KSR1: variants seen among roughly 807,000 people sequenced by gnomAD.
The protein encoded by KSR1 is kinase suppressor of ras 1.
A neutral mutation model predicts 92.9 loss-of-function variants in KSR1; 35 were observed. The observed-to-expected ratio is 0.38, with a 90% confidence interval of 0.29 to 0.50. The LOEUF is 0.50. KSR1 is among the 20% of genes least tolerant of loss of function. The pLI, the probability that KSR1 is intolerant of heterozygous loss-of-function variation, is 0.94. For synonymous variants in KSR1, 467 were observed against 472.6 expected (o/e 0.99, Z 0.15); for missense variants, 972 against 1,158.5 (o/e 0.84, Z 2.34).
intron 1 of KSR1, among the ~76,000 whole-genome samples, chr17:27,464,256 G>T (rs964323444): frequency 6.6e-6 from 1 of 152,172 alleles, no homozygotes; most frequent in Non-Finnish European, 1.5e-5. Flanking sequence ...AGCGCCATCT[G>T]GGGTATGTCA....
chr17:27,566,213 A>T (rs2072058946), intron 2 of KSR1, among the ~76,000 whole-genome samples: 1 of 152,076 alleles, frequency 6.6e-6, no homozygotes, highest in South Asian at 2.1e-4. Context: ...CATCCTGGAC[A>T]TCCTGGGTGC....
chr17:27,590,917 T>TG (rs752579264), intron 7 of KSR1, 23 bp downstream of exon 7: 1 of 1,545,270 alleles, frequency 6.5e-7, no homozygotes. Flanking sequence ...GGAGTGGGGG[T>TG]GGGGGGAGCA....
At chr17:27,520,621 G>A (rs757106684) in intron 1 of KSR1, among the ~76,000 whole-genome samples, 27 of 152,336 alleles carry the variant, frequency 1.8e-4, no homozygotes, top group South Asian at 1.7e-3. Flanking sequence ...CGTGCAGAAC[G>A]GGCACAGTGG....
At chr17:27,566,615 C>T in intron 2 of KSR1, 1 of 399,002 alleles carries the variant, frequency 2.5e-6, no homozygotes. Context: ...TTCCACAGCT[C>T]CCTGGAGTTG....
chr17:27,494,271 A>G, intron 1 of KSR1, among the ~76,000 whole-genome samples: 1 of 151,916 alleles, frequency 6.6e-6, no homozygotes, highest in South Asian at 2.1e-4. Flanking sequence ...CTATATGTGG[A>G]GTATCTGGAA....
intron 1 of KSR1, among the ~76,000 whole-genome samples, chr17:27,481,377 T>C (rs1680937619): frequency 6.6e-6 from 1 of 152,164 alleles, no homozygotes; most frequent in African/African-American, 2.4e-5. Flanking sequence ...TCTTCTGAAG[T>C]CTCTTTCAAT....
At chr17:27,603,926 G>A (rs1431542734) in intron 12 of KSR1, 38 bp downstream of exon 12, 7 of 1,605,200 alleles carry the variant, frequency 4.4e-6, no homozygotes, top group Non-Finnish European at 5.1e-6. Flanking sequence ...CGCTTCTTTG[G>A]GGAATTATTA....
intron 2 of KSR1, among the ~76,000 whole-genome samples, chr17:27,557,348 G>A (rs1395112746): frequency 6.6e-6 from 1 of 152,208 alleles, no homozygotes; most frequent in Non-Finnish European, 1.5e-5. Context: ...GTCCTGGGGG[G>A]ATAGCGGAGG....
chr17:27,571,320 G>A (rs1226818097), intron 2 of KSR1, among the ~76,000 whole-genome samples: 2 of 152,194 alleles, frequency 1.3e-5, no homozygotes, highest in African/African-American at 4.8e-5. Flanking sequence ...ATATCTGACT[G>A]TTACTATCCA....
intron 17 of KSR1, 196 bp from the exon 18 acceptor site, chr17:27,611,295 CCAA>C: frequency 1.6e-6 from 1 of 609,630 alleles, no homozygotes; most frequent in East Asian, 2.9e-5. Context: ...GACTTCCCAC[CCAA>C]CGAGAGCACA....
At position 27,597,248 on chromosome 17, in the gene KSR1, C is replaced by T; in HGVS notation, c.1300-20C>T. The T allele has an allele frequency of 4.5e-6, 7 of 1,562,354 alleles. No homozygotes were observed. Among genetic ancestry groups the T allele is most frequent in the African/African-American group, 1.4e-5 (1 of 73,490 alleles). ...GGGGCCAGGACAGCCCTGCCATTCCCAACATCTCTGGTCCTGCAGGAGCAC... is the reference window on the plus strand; with the variant it reads ...GGGGCCAGGACAGCCCTGCCATTCCTAACATCTCTGGTCCTGCAGGAGCAC... On this transcript the variant is annotated intron_variant, in intron 9 of 20. Transcript: ENST00000644974.
chr17:27,479,241 C>T (rs1410264323), intron 1 of KSR1, among the ~76,000 whole-genome samples: 2 of 151,568 alleles, frequency 1.3e-5, no homozygotes, highest in African/African-American at 4.9e-5. Context: ...CTCTTCCCTC[C>T]GTCTGTGCTC....
At position 27,499,398 on chromosome 17, in the gene KSR1, C is replaced by G. The variant is rs542061162; in HGVS notation, c.231+42524C>G. ...AATTGAAGTAGCTAAGAAGGGAGAT[C>G]AAGGCACCGGACAACCAGAGGGGGC... On this transcript the variant is annotated intron_variant, in intron 1 of 20. Transcript: ENST00000644974. Among the ~76,000 whole-genome samples the G allele has an allele frequency of 1.4e-3, 218 of 152,298 alleles. 2 individuals carry two copies. The highest frequency in any genetic ancestry group is 4.7e-3 in the African/African-American group (195 of 41,558).
intron 1 of KSR1, among the ~76,000 whole-genome samples, chr17:27,470,665 C>A (rs1267740418): frequency 6.6e-6 from 1 of 152,128 alleles, no homozygotes; most frequent in Non-Finnish European, 1.5e-5. Context: ...CGTGAGCCAC[C>A]ACACCTAGCC....
chr17:27,484,458 C>T (rs1160922435), intron 1 of KSR1, among the ~76,000 whole-genome samples: 1 of 152,214 alleles, frequency 6.6e-6, no homozygotes, highest in East Asian at 1.9e-4. Context: ...TCTTGAACTC[C>T]TGGCCTCAAG....
intron 9 of KSR1, among the ~76,000 whole-genome samples, chr17:27,593,613 G>A (rs1016033297): frequency 1.3e-5 from 2 of 152,198 alleles, no homozygotes; most frequent in Admixed American, 1.3e-4. Flanking sequence ...CAAGAAGGCC[G>A]GCTGCCCCAG....
rs1391277476 is a variant in KSR1, at chr17:27,624,995, A to G, written c.*1603A>G. ...TATTACAGTGCCAGTGTGCCTGGCCATCAGCATCTTCACCCTTCCCAGTCT... is the reference window on the plus strand; with the variant it reads ...TATTACAGTGCCAGTGTGCCTGGCCGTCAGCATCTTCACCCTTCCCAGTCT... On this transcript the variant is annotated 3_prime_UTR_variant, in exon 21 of 21. Transcript: ENST00000644974. The G allele has an allele frequency of 6.6e-6, 1 of 152,336 alleles. No individual in the cohort carries two copies. The highest frequency in any genetic ancestry group is 2.4e-5 in the African/African-American group (1 of 41,470). 9.4% of individuals were successfully genotyped at this position (152,336 alleles called of 1,614,324 possible). A position where few individuals can be genotyped will look rare whatever the true frequency, so the allele number is the denominator to read the frequency against.
intron 1 of KSR1, among the ~76,000 whole-genome samples, chr17:27,477,651 C>T (rs1212151536): frequency 1.3e-5 from 2 of 152,106 alleles, no homozygotes; most frequent in Non-Finnish European, 2.9e-5. Context: ...CCATCCCTCC[C>T]AGAATGCCAT....
At chr17:27,460,782 G>A (rs2019397773) in intron 1 of KSR1, among the ~76,000 whole-genome samples, 1 of 152,206 alleles carries the variant, frequency 6.6e-6, no homozygotes, top group South Asian at 2.1e-4. Context: ...TGGGAGAGGG[G>A]AGGGGTGGCA....
Sources: allele counts gnomAD v4.1 joint callset (sites outside exome capture counted in the v4.1 genomes callset), GRCh38; gene constraint gnomAD v4.1.1; transcripts MANE v1.5; gene names NCBI Gene and HGNC (gene_info 2026-07-23, HGNC 2026-07-21).